ROCK2: variants seen among roughly 807,000 people sequenced by gnomAD.
ROCK2 encodes the protein rho-associated protein kinase 2.
A neutral mutation model predicts 195.1 loss-of-function variants in ROCK2; 61 were observed. The ratio of observed to expected loss-of-function variants is 0.31; its 90% CI spans 0.25 to 0.39. ROCK2 has a LOEUF of 0.39. Among genes scored for constraint, ROCK2 ranks in the 10% least tolerant of loss-of-function variants. ROCK2 has a pLI of 1.00. For synonymous variants in ROCK2, 504 were observed against 545.5 expected (o/e 0.92, Z 1.06); for missense variants, 1,109 against 1,637.4 (o/e 0.68, Z 5.57).
intron 3 of ROCK2, among the ~76,000 whole-genome samples, chr2:11,257,593 G>A (rs530843972): frequency 3.3e-5 from 5 of 151,330 alleles, no homozygotes; most frequent in Admixed American, 3.3e-4. Flanking sequence ...AGCCCTTAAA[G>A]GATATTCTTG....
intron 4 of ROCK2, among the ~76,000 whole-genome samples, chr2:11,241,764 G>T (rs1214326402): frequency 1.3e-5 from 2 of 152,100 alleles, no homozygotes; most frequent in Non-Finnish European, 2.9e-5. Context: ...AATCCATTCT[G>T]GGCTGATCAT....
At chr2:11,302,596 T>A (rs567160118) in intron 1 of ROCK2, among the ~76,000 whole-genome samples, 1 of 152,332 alleles carries the variant, frequency 6.6e-6, no homozygotes, top group South Asian at 2.1e-4. Context: ...AGATTTGTAT[T>A]GTCCCATAGA....
At chr2:11,288,228 T>TG (rs897997522) in intron 1 of ROCK2, among the ~76,000 whole-genome samples, 10 of 152,218 alleles carry the variant, frequency 6.6e-5, no homozygotes, top group African/African-American at 2.2e-4. Context: ...AAAAGGATGA[T>TG]GCATTGTCTG....
At chr2:11,330,153 G>A (rs2148262308) in intron 1 of ROCK2, among the ~76,000 whole-genome samples, 1 of 152,248 alleles carries the variant, frequency 6.6e-6, no homozygotes, top group Admixed American at 6.5e-5. Flanking sequence ...AATAACTGCA[G>A]AAATATATTC....
At chr2:11,298,048 T>G (rs181628338) in intron 1 of ROCK2, among the ~76,000 whole-genome samples, 1 of 152,242 alleles carries the variant, frequency 6.6e-6, no homozygotes, top group East Asian at 1.9e-4. Flanking sequence ...ATTATATGGG[T>G]TCTCAGATTG....
intron 3 of ROCK2, among the ~76,000 whole-genome samples, chr2:11,257,070 CAA>C (rs1666061220): frequency 6.6e-6 from 1 of 151,468 alleles, no homozygotes; most frequent in African/African-American, 2.5e-5. Flanking sequence ...ACTGCCTAAA[CAA>C]ATTATAATTA....
rs1015004425 is a variant in ROCK2, at chr2:11,215,578, T to C, written c.1529A>G (p.His510Arg). 1 of 1,613,780 alleles carries C rather than the reference T, an allele frequency of 6.2e-7. No homozygotes were observed. The highest frequency in any genetic ancestry group is 1.3e-5 in the African/African-American group (1 of 75,048). Residue 510 changes from histidine to arginine, a missense_variant, in exon 14 of 33, where the codon CAC becomes CGC. By Grantham distance (29) the His-to-Arg change is conservative. Around this residue, in one of 6 missense-constraint regions of ROCK2, gnomAD observed 542 missense variants for 672.0 expected, o/e 0.81. Coordinates refer to ENST00000315872, the MANE Select transcript of ROCK2 (RefSeq NM_004850.5). The part of the protein sequence containing the change: ...QLEREKALLQ[H>R]KNAEYQRKAD... ...TTTCCTCTGATATTCTGCATTTTTG[T>C]GCTGAAGAAGCGCCTTTTCTCTTTC...
intron 6 of ROCK2, among the ~76,000 whole-genome samples, chr2:11,224,679 A>G (rs1664752555): frequency 6.6e-6 from 1 of 152,156 alleles, no homozygotes; most frequent in Non-Finnish European, 1.5e-5. Flanking sequence ...CTCATCCCTT[A>G]AAAGCAAAAT....
At chr2:11,217,052 A>G in intron 12 of ROCK2, 38 bp downstream of exon 12, 1 of 1,093,138 alleles carries the variant, frequency 9.1e-7, no homozygotes, top group East Asian at 2.6e-5. Context: ...TTAAACTTAA[A>G]TTTTATAATG....
intron 3 of ROCK2, among the ~76,000 whole-genome samples, chr2:11,285,261 TAAAA>T (rs35144359): frequency 3.4e-5 from 4 of 117,240 alleles, no homozygotes; most frequent in Non-Finnish European, 1.8e-5. Context: ...AAACTCTGTC[TAAAA>T]AAAAAAAAAA....
chr2:11,260,448 CAAAAAA>C (rs35308782), intron 3 of ROCK2, among the ~76,000 whole-genome samples: 1 of 91,526 alleles, frequency 1.1e-5, no homozygotes, highest in Non-Finnish European at 2.0e-5. Context: ...ACTCTGTCTC[CAAAAAA>C]AAAAAAAAAA....
chr2:11,198,825 T>C, intron 23 of ROCK2, 51 bp from the exon 24 acceptor site: 1 of 1,006,878 alleles, frequency 9.9e-7, no homozygotes, highest in Non-Finnish European at 1.5e-6. Context: ...ACACAATTTA[T>C]GTTATAAAAT....
intron 3 of ROCK2, among the ~76,000 whole-genome samples, chr2:11,262,425 A>G (rs1666259306): frequency 6.6e-6 from 1 of 152,160 alleles, no homozygotes; most frequent in African/African-American, 2.4e-5. Context: ...AGAGACATAC[A>G]TGGTGATATG....
intron 32 of ROCK2, among the ~76,000 whole-genome samples, chr2:11,190,759 G>A (rs966223423): frequency 8.6e-5 from 13 of 152,030 alleles, no homozygotes; most frequent in African/African-American, 2.2e-4. Context: ...AAGTACTTTG[G>A]AAACTGAAAT....
At position 11,208,425 on chromosome 2, in the gene ROCK2, C is replaced by A; in HGVS notation, c.2226G>T (p.Glu742Asp). 1.3e-6 allele frequency: 2 copies of A among 1,513,738 alleles called. No homozygotes were observed. Among genetic ancestry groups the A allele is most frequent in the South Asian group, 2.8e-5 (2 of 72,572 alleles). 93.8% of individuals were successfully genotyped at this position (1,513,738 alleles called of 1,614,324 possible). A position where few individuals can be genotyped will look rare whatever the true frequency, so the allele number is the denominator to read the frequency against. Residue 742 changes from glutamate (E) to aspartate (D), a missense_variant, in exon 19 of 33, where the codon GAG (glutamate) becomes GAT (aspartate). Glu to Asp is a conservative substitution (Grantham distance 45). Around this residue, in one of 6 missense-constraint regions of ROCK2, gnomAD observed 542 missense variants for 672.0 expected, o/e 0.81. Coordinates refer to ENST00000315872, the MANE Select transcript of ROCK2 (RefSeq NM_004850.5). The part of the protein sequence containing the change: ...AMKEMEKKLL[E>D]ERTLKQKVEN... ...CCACTTTCTGTTTTAAAGTTCTTTC[C>A]TCCAAGAGCTTCTTCTCCATTTCTA...
Position 11,344,187 on chromosome 2 carries a change from C to A in ROCK2, c.-51G>T. 1 of 1,382,954 alleles carries A rather than the reference C, an allele frequency of 7.2e-7. No individual in the cohort carries two copies. Among genetic ancestry groups the A allele is most frequent in the Non-Finnish European group, 9.3e-7 (1 of 1,073,466 alleles). 85.7% of individuals were successfully genotyped at this position (1,382,954 alleles called of 1,614,324 possible). On this transcript the variant is annotated 5_prime_UTR_variant, in exon 1 of 33. Coordinates refer to ENST00000315872, the MANE Select transcript of ROCK2 (RefSeq NM_004850.5). The surrounding 1 kb of genome is among the most constrained non-coding windows in gnomAD (Gnocchi z 5.4). ...GGCTCCTCGCGCTCAGGTCCCGCAG[C>A]CTCGGGGCCTAGCACCGCCCCCGAA...
chr2:11,200,505 T>G (rs187361305), intron 23 of ROCK2, among the ~76,000 whole-genome samples: 2 of 152,312 alleles, frequency 1.3e-5, no homozygotes, highest in African/African-American at 4.8e-5. Context: ...TGGCCTCCCT[T>G]TTCATTTCCA....
intron 3 of ROCK2, among the ~76,000 whole-genome samples, chr2:11,274,128 T>C (rs1666744729): frequency 6.6e-6 from 1 of 151,968 alleles, no homozygotes; most frequent in Non-Finnish European, 1.5e-5. Context: ...GAGAAATTTA[T>C]AGCTATAAAT....
At chr2:11,219,547 T>C (rs1174139525) in intron 9 of ROCK2, among the ~76,000 whole-genome samples, 1 of 151,960 alleles carries the variant, frequency 6.6e-6, no homozygotes, top group Non-Finnish European at 1.5e-5. Context: ...ATGCTAAACT[T>C]TTCTTGCCTT....
Sources: gnomAD v4.1 joint callset for allele counts (sites outside exome capture counted in the v4.1 genomes callset) on GRCh38, gnomAD v4.1.1 for gene constraint, gnomAD v4.1.1 regional missense constraint, Gnocchi (gnomAD v3.1) non-coding constraint, MANE v1.5 for transcripts, NCBI Gene and HGNC (gene_info 2026-07-23, HGNC 2026-07-21) for gene names.